FADS2: variants seen among roughly 807,000 people sequenced by gnomAD.
FADS2 encodes fatty acid desaturase 2, also known as acyl-CoA 6-desaturase.
FADS2 carries 18 observed loss-of-function variants against 61.2 expected under a neutral mutation model. The ratio of observed to expected loss-of-function variants is 0.29; its 90% CI spans 0.20 to 0.44. FADS2 has a LOEUF of 0.44. Among genes scored for constraint, FADS2 ranks in the 20% least tolerant of loss-of-function variants. The pLI is 1.00. For missense variants in FADS2, 322 were observed against 572.7 expected (o/e 0.56, Z 4.47); for synonymous variants, 203 against 223.9 (o/e 0.91, Z 0.83).
chr11:61,830,899 G>C (rs2067123371), intron 1 of FADS2, among the ~76,000 whole-genome samples: 1 of 152,246 alleles, frequency 6.6e-6, no homozygotes, highest in Non-Finnish European at 1.5e-5. Context: ...AGAATGGAAA[G>C]TATGCAAAGA....
chr11:61,821,934 A>G (rs1276325072), intron 1 of FADS2, among the ~76,000 whole-genome samples: 2 of 151,872 alleles, frequency 1.3e-5, no homozygotes, highest in Non-Finnish European at 2.9e-5. Flanking sequence ...GGGCAGAGGC[A>G]GGCTCATGGA....
In FADS2 at chr11:61,865,447, A is replaced by G; in HGVS notation, c.1283+170A>G. ...GCTTTTCTCCCTGGGCTGCGAGAAGACCATCCCTTTCTGTGTGGGGTTCCT... is the reference window on the plus strand; with the variant it reads ...GCTTTTCTCCCTGGGCTGCGAGAAGGCCATCCCTTTCTGTGTGGGGTTCCT... On this transcript the variant is annotated intron_variant, in intron 11 of 11. Coordinates refer to ENST00000278840, the MANE Select transcript of FADS2 (RefSeq NM_004265.4). The surrounding 1 kb of genome is among the most constrained non-coding windows in gnomAD (Gnocchi z 4.1). The G allele has an allele frequency of 1.0e-6, 1 of 977,608 alleles. No homozygotes were observed. The highest frequency in any genetic ancestry group is 1.5e-6 in the Non-Finnish European group (1 of 662,596). 60.6% of individuals were successfully genotyped at this position (977,608 alleles called of 1,614,324 possible).
At chr11:61,858,056 C>T (rs191390668) in intron 7 of FADS2, among the ~76,000 whole-genome samples, 7 of 152,302 alleles carry the variant, frequency 4.6e-5, no homozygotes, top group African/African-American at 1.7e-4. Context: ...TTCCTTAGGG[C>T]TCTGGAAGGC....
chr11:61,824,058 T>C (rs2067050925), upstream of FADS2, among the ~76,000 whole-genome samples: 1 of 152,116 alleles, frequency 6.6e-6, no homozygotes, highest in Non-Finnish European at 1.5e-5. Context: ...CCTTTGAGCC[T>C]CGTTATTAAA....
chr11:61,837,804 C>A lies in FADS2; in HGVS notation c.234C>A (p.Asp78Glu). The A allele has an allele frequency of 6.2e-7, 1 of 1,613,422 alleles. No individual in the cohort carries two copies. The highest frequency in any genetic ancestry group is 8.5e-7 in the Non-Finnish European group (1 of 1,179,702). Residue 78 changes from aspartate to glutamate, a missense_variant, in exon 2 of 12, where the codon GAC becomes GAA. Around this residue, in one of 3 missense-constraint regions of FADS2, gnomAD observed 40 missense variants for 37.3 expected, o/e 1.07. Transcript: ENST00000278840. ...ATGCCTTCCGCGCCTTCCACCCTGA[C>A]CTGGAATTCGTGGGCAAGTTCTTGA... ...ATDAFRAFHP[D>E]LEFVGKFLKP...
intron 4 of FADS2, among the ~76,000 whole-genome samples, chr11:61,842,660 A>G (rs1408499218): frequency 6.6e-6 from 1 of 152,116 alleles, no homozygotes; most frequent in East Asian, 1.9e-4. Flanking sequence ...CTCATGGCCC[A>G]CCAGCCCCCA....
chr11:61,865,861 C>A lies in FADS2; in HGVS notation c.*172C>A, dbSNP rs927370664. On this transcript the variant is annotated 3_prime_UTR_variant, in exon 12 of 12. Transcript: ENST00000278840. The surrounding 1 kb of genome is among the most constrained non-coding windows in gnomAD (Gnocchi z 4.1). Reference sequence around the variant, plus strand: ...CTCCTTTTTCTCTTCACATCTCCCCCATAGCACCCTGCCCTCATGGGACCT... The same window carrying A: ...CTCCTTTTTCTCTTCACATCTCCCCAATAGCACCCTGCCCTCATGGGACCT... The A allele has an allele frequency of 6.4e-5, 40 of 621,772 alleles. 1 individual carries two copies. The highest frequency in any genetic ancestry group is 4.0e-4 in the Middle Eastern group (1 of 2,522). 38.5% of individuals were successfully genotyped at this position (621,772 alleles called of 1,614,324 possible). A position where few individuals can be genotyped will look rare whatever the true frequency, so the allele number is the denominator to read the frequency against.
intron 5 of FADS2, among the ~76,000 whole-genome samples, chr11:61,850,088 C>G (rs2067292430): frequency 6.6e-6 from 1 of 152,040 alleles, no homozygotes; most frequent in Admixed American, 6.6e-5. Context: ...AACTTGCCAC[C>G]TCTGCGAATG....
intron 4 of FADS2, among the ~76,000 whole-genome samples, chr11:61,844,991 G>A (rs1308207354): frequency 1.7e-5 from 2 of 119,896 alleles, no homozygotes; most frequent in South Asian, 2.7e-4. Context: ...CTTTGAAAAT[G>A]TTATCGATGA....
upstream of FADS2, chr11:61,826,440 C>G (rs1206688740): frequency 1.0e-5 from 6 of 574,398 alleles, no homozygotes; most frequent in Non-Finnish European, 1.3e-5. Flanking sequence ...TTCTGCCTTT[C>G]AGCTATCACT....
At chr11:61,821,585 C>T in intron 1 of FADS2, 1 of 587,642 alleles carries the variant, frequency 1.7e-6, no homozygotes, top group Non-Finnish European at 3.0e-6. Flanking sequence ...TTGTGCTCAG[C>T]CTCTGCTGCA....
rs482548 is a variant in FADS2, at chr11:61,865,710, C to T, written c.*21C>T. The T allele has an allele frequency of 0.079, 127,290 of 1,602,036 alleles. 5,853 individuals are homozygous for T. Among genetic ancestry groups the T allele is most frequent in the Middle Eastern group, 0.11 (637 of 6,044 alleles). ...AATGAAGCCACAGCCCCCGGGACAC[C>T]GTGGGGAAGGGGTGCAGGTGGGGTG... On this transcript the variant is annotated 3_prime_UTR_variant, in exon 12 of 12. Coordinates refer to ENST00000278840, the MANE Select transcript of FADS2 (RefSeq NM_004265.4). This position sits in a 1 kb window ranked among gnomAD's most constrained non-coding sequence, Gnocchi z 4.1.
intron 5 of FADS2, chr11:61,848,605 C>T: frequency 3.5e-6 from 1 of 287,050 alleles, no homozygotes; most frequent in Non-Finnish European, 6.7e-6. Flanking sequence ...ACAGACACAG[C>T]TCCTCATTAG....
chr11:61,863,433 C>A, intron 9 of FADS2, 55 bp downstream of exon 9: 2 of 1,322,178 alleles, frequency 1.5e-6, no homozygotes, highest in Non-Finnish European at 2.2e-6. Flanking sequence ...ATGTCCTGGC[C>A]CCAGATGATC....
intron 7 of FADS2, chr11:61,862,661 T>A: frequency 2.7e-6 from 1 of 374,106 alleles, no homozygotes; most frequent in Non-Finnish European, 5.0e-6. Flanking sequence ...AGAATCGCCC[T>A]TGCCCCACGA....
At position 61,858,689 on chromosome 11, in the gene FADS2, G is replaced by A. The variant is rs11822850; in HGVS notation, c.882+1159G>A. Among the ~76,000 whole-genome samples, 1,434 of 150,826 alleles carry A rather than the reference G, an allele frequency of 9.5e-3. 17 individuals carry two copies. Among genetic ancestry groups the A allele is most frequent in the African/African-American group, 0.031 (1,262 of 41,108 alleles). ...CAACCTCCGCCTCCTGGGTTCAAGC[G>A]ATTCTCCTGCCTCAACCTCCTGAGT... On this transcript the variant is annotated intron_variant, in intron 7 of 11. Coordinates refer to ENST00000278840, the MANE Select transcript of FADS2 (RefSeq NM_004265.4).
At chr11:61,826,315 G>A (rs376287073), upstream of FADS2, 13 of 702,456 alleles carry the variant, frequency 1.9e-5, no homozygotes, top group South Asian at 8.9e-5. Context: ...GCTGGGAGCC[G>A]CTGGGGACCC....
intron 4 of FADS2, among the ~76,000 whole-genome samples, chr11:61,844,672 T>A (rs759290629): frequency 9.2e-5 from 14 of 152,110 alleles, no homozygotes; most frequent in Non-Finnish European, 1.9e-4. Flanking sequence ...ACGCCTGTAA[T>A]CCCAGCACTT....
chr11:61,859,731 T>C (rs560586208), intron 7 of FADS2, among the ~76,000 whole-genome samples: 14,922 of 152,190 alleles, frequency 0.098, 1,109 homozygotes, highest in African/African-American at 0.2. Context: ...TCATGCTTGT[T>C]ATCCCAGCAC....
Sources: allele counts gnomAD v4.1 joint callset (sites outside exome capture counted in the v4.1 genomes callset), GRCh38; gene constraint gnomAD v4.1.1; regional missense constraint gnomAD v4.1.1; non-coding constraint Gnocchi (gnomAD v3.1); transcripts MANE v1.5; gene names NCBI Gene and HGNC (gene_info 2026-07-23, HGNC 2026-07-21).